Variants in ELAPOR2 observed in about 807,000 individuals in gnomAD.
ELAPOR2 encodes endosome-lysosome associated apoptosis and autophagy regulator family member 2.
In ELAPOR2, 89 loss-of-function variants were observed where a neutral mutation model predicts 120.7. The ratio of observed to expected loss-of-function variants is 0.74; its 90% CI spans 0.62 to 0.88. ELAPOR2 has a LOEUF of 0.88. ELAPOR2 is among the 40% of genes least tolerant of loss of function. The probability of loss-of-function intolerance (pLI) is 0.00; values close to 1 mark genes in which losing one functional copy is unlikely to be tolerated. For synonymous variants in ELAPOR2, 444 were observed against 444.9 expected, an observed-to-expected ratio of 1.00 and a Z score of 0.03; for missense variants, 1,134 against 1,251.6, an observed-to-expected ratio of 0.91 and a Z score of 1.42.
chr7:86,953,501 T>C (rs1238860185), intron 2 of ELAPOR2, among the ~76,000 whole-genome samples: 1 of 152,226 alleles, frequency 6.6e-6, no homozygotes, highest in East Asian at 1.9e-4. Context: ...TCAACACTGC[T>C]ACCTTGGCAT....
At chr7:86,882,572 G>A (rs759050895) in intron 21 of ELAPOR2, among the ~76,000 whole-genome samples, 8 of 152,124 alleles carry the variant, frequency 5.3e-5, no homozygotes, top group Non-Finnish European at 8.8e-5. Flanking sequence ...ATACACATGT[G>A]TATATAATTA....
At chr7:87,034,016 A>C (rs1794501158) in intron 1 of ELAPOR2, among the ~76,000 whole-genome samples, 1 of 152,202 alleles carries the variant, frequency 6.6e-6, no homozygotes, top group African/African-American at 2.4e-5. Context: ...GTACTTAATA[A>C]AATTCTTGAG....
intron 1 of ELAPOR2, among the ~76,000 whole-genome samples, chr7:86,978,308 T>A (rs1321810098): frequency 6.6e-6 from 1 of 152,222 alleles, no homozygotes; most frequent in African/African-American, 2.4e-5. Context: ...TTTTCCTTTA[T>A]AAATTACCCA....
At chr7:87,020,086 C>T (rs1449725483) in intron 1 of ELAPOR2, among the ~76,000 whole-genome samples, 1 of 151,966 alleles carries the variant, frequency 6.6e-6, no homozygotes. Flanking sequence ...TGCAAGAAAA[C>T]AATGTGTACC....
intron 2 of ELAPOR2, among the ~76,000 whole-genome samples, chr7:86,956,175 A>G (rs1791464062): frequency 6.6e-6 from 1 of 152,132 alleles, no homozygotes; most frequent in South Asian, 2.1e-4. Context: ...CCCACCAATA[A>G]CAATTTTTAA....
intron 1 of ELAPOR2, among the ~76,000 whole-genome samples, chr7:87,007,602 G>A (rs1044075770): frequency 1.3e-5 from 2 of 152,154 alleles, no homozygotes; most frequent in South Asian, 4.1e-4. Flanking sequence ...GTTCCCAGAT[G>A]TCAGTTTCTA....
intron 13 of ELAPOR2, among the ~76,000 whole-genome samples, chr7:86,914,345 T>C (rs1409001395): frequency 6.6e-6 from 1 of 152,176 alleles, no homozygotes; most frequent in Admixed American, 6.5e-5. Flanking sequence ...CACTAGTTAA[T>C]GGCTCTTAAA....
chr7:86,949,456 G>A (rs1345631737), intron 2 of ELAPOR2, among the ~76,000 whole-genome samples: 2 of 152,170 alleles, frequency 1.3e-5, no homozygotes, highest in African/African-American at 2.4e-5. Flanking sequence ...CCATTGGGGC[G>A]GGAGGAGGCA....
At chr7:86,977,936 C>T (rs1792334760) in intron 1 of ELAPOR2, among the ~76,000 whole-genome samples, 1 of 152,084 alleles carries the variant, frequency 6.6e-6, no homozygotes, top group Non-Finnish European at 1.5e-5. Context: ...ATAAGGATGG[C>T]TTTTCAATGG....
At chr7:86,984,046 G>A (rs574846904) in intron 1 of ELAPOR2, among the ~76,000 whole-genome samples, 252 of 152,230 alleles carry the variant, frequency 1.7e-3, no homozygotes, top group Admixed American at 4.3e-3. Flanking sequence ...TGCAATCCTG[G>A]TCTCTGATAA....
intron 11 of ELAPOR2, 24 bp downstream of exon 11, chr7:86,919,196 A>G: frequency 6.5e-7 from 1 of 1,544,608 alleles, no homozygotes; most frequent in African/African-American, 1.4e-5. Context: ...TCTTACAGAA[A>G]AGAATTAGAA....
intron 1 of ELAPOR2, among the ~76,000 whole-genome samples, chr7:87,004,017 T>C (rs1793395920): frequency 6.6e-6 from 1 of 152,130 alleles, no homozygotes; most frequent in African/African-American, 2.4e-5. Context: ...GCAGAGGTTC[T>C]TATCTACAAA....
chr7:87,021,591 A>G (rs1358329958), intron 1 of ELAPOR2, among the ~76,000 whole-genome samples: 2 of 152,200 alleles, frequency 1.3e-5, no homozygotes, highest in Non-Finnish European at 2.9e-5. Flanking sequence ...TTTACTTAAG[A>G]TAATTACAGA....
chr7:87,023,051 T>C (rs1459531199), intron 1 of ELAPOR2, among the ~76,000 whole-genome samples: 1 of 151,556 alleles, frequency 6.6e-6, no homozygotes, highest in East Asian at 1.9e-4. Flanking sequence ...TGTTAGTTTA[T>C]TTTGCTCTTT....
rs145640020 is a variant in ELAPOR2 at position 86,983,721 on chromosome 7, A to G, written c.190-18697T>C. ...TGGGAAGGAACAACTGGTACCAGCC[A>G]CTGCAAAAACATGCCAAATTGTAAA... On this transcript the variant is annotated intron_variant, in intron 1 of 21. Coordinates refer to ENST00000450689, the MANE Select transcript of ELAPOR2 (RefSeq NM_001142749.3). Among the ~76,000 whole-genome samples the G allele has an allele frequency of 1.3e-3, 203 of 152,356 alleles. 2 individuals carry two copies. Among genetic ancestry groups the G allele is most frequent in the African/African-American group, 4.6e-3 (193 of 41,590 alleles).
chr7:86,928,367 T>G (rs774348175), intron 8 of ELAPOR2, among the ~76,000 whole-genome samples: 2 of 152,000 alleles, frequency 1.3e-5, no homozygotes, highest in Non-Finnish European at 2.9e-5. Flanking sequence ...AAATTCTGGT[T>G]TAACAAGCAT....
At chr7:87,037,737 C>T (rs1420283947) in intron 1 of ELAPOR2, among the ~76,000 whole-genome samples, 3 of 152,258 alleles carry the variant, frequency 2.0e-5, no homozygotes, top group African/African-American at 4.8e-5. Flanking sequence ...GCCACCACCA[C>T]CCACGTGCCC....
intron 1 of ELAPOR2, chr7:86,965,691 A>G (rs1289560996): frequency 2.6e-6 from 1 of 388,512 alleles, no homozygotes; most frequent in Non-Finnish European, 3.5e-6. Flanking sequence ...TCCCTTGGTC[A>G]GAGCACATTA....
rs78414531 is a variant in ELAPOR2, at chr7:86,980,280, T to A, written c.190-15256A>T. ...TCCAGGTTTCTGACATCAAACAGTA[T>A]GTGTGAGGCAAAGCCAAGTGCCAAA... On this transcript the variant is annotated intron_variant, in intron 1 of 21. Coordinates refer to ENST00000450689, the MANE Select transcript of ELAPOR2 (RefSeq NM_001142749.3). 4.5e-3 allele frequency among the ~76,000 whole-genome samples: 679 copies of A among 152,370 alleles called. 5 individuals carry two copies. The highest frequency in any genetic ancestry group is 0.015 in the African/African-American group (643 of 41,592).
Sources: allele counts gnomAD v4.1 joint callset (sites outside exome capture counted in the v4.1 genomes callset), GRCh38; gene constraint gnomAD v4.1.1; transcripts MANE v1.5; gene names NCBI Gene and HGNC (gene_info 2026-07-23, HGNC 2026-07-21).